PCDHGA12: variants seen among roughly 807,000 people sequenced by gnomAD.
PCDHGA12 encodes the protein protocadherin gamma-A12.
PCDHGA12 carries 43 observed loss-of-function variants against 61.1 expected under a neutral mutation model. That is an observed-to-expected ratio of 0.70 (90% CI 0.55 to 0.91). The LOEUF is 0.91. PCDHGA12 is among the 40% of genes least tolerant of loss of function. The pLI is 0.00. For synonymous variants in PCDHGA12, 520 were observed against 542.9 expected, an observed-to-expected ratio of 0.96 and a Z score of 0.59; for missense variants, 1,236 against 1,227.7, an observed-to-expected ratio of 1.01 and a Z score of -0.10.
intron 1 of PCDHGA12, among the ~76,000 whole-genome samples, chr5:141,459,559 A>AC (rs920626314): frequency 6.6e-6 from 1 of 152,198 alleles, no homozygotes; most frequent in Non-Finnish European, 1.5e-5. Flanking sequence ...TTGGATAAAT[A>AC]CCCCAAAACA....
In PCDHGA12 at chr5:141,432,009, G is replaced by A. The variant is rs1227754190; in HGVS notation, c.1250G>A (p.Ser417Asn). ...DIVLDREQVPSYNITVTATDR... is the reference protein window; with the variant it reads ...DIVLDREQVPNYNITVTATDR... ...GTCTTGGATAGGGAACAGGTTCCTA[G>A]CTACAACATCACAGTGACCGCCACT... The change falls in exon 1 of 4, where the codon AGC becomes AAC. Residue 417 changes from serine to asparagine, a missense_variant. Ser to Asn is a conservative substitution (Grantham distance 46, BLOSUM62 1). Coordinates refer to ENST00000252085, the MANE Select transcript of PCDHGA12 (RefSeq NM_003735.3). The surrounding 1 kb of genome is among the most constrained non-coding windows in gnomAD (Gnocchi z 6.0). The A allele has an allele frequency of 1.2e-6, 2 of 1,614,188 alleles. No homozygotes were observed. The highest frequency in any genetic ancestry group is 1.7e-6 in the Non-Finnish European group (2 of 1,180,024).
intron 2 of PCDHGA12, among the ~76,000 whole-genome samples, chr5:141,498,411 C>T (rs747823234): frequency 2.0e-5 from 3 of 152,158 alleles, no homozygotes; most frequent in Non-Finnish European, 4.4e-5. Context: ...TTTCTCTTTG[C>T]TGGCACTGGA....
At chr5:141,437,944 G>A (rs576107104) in intron 1 of PCDHGA12, among the ~76,000 whole-genome samples, 1 of 152,178 alleles carries the variant, frequency 6.6e-6, no homozygotes, top group South Asian at 2.1e-4. Flanking sequence ...CACCATATTG[G>A]CCAGAATGGT....
In PCDHGA12 at chr5:141,491,893, G is replaced by A; in HGVS notation, c.2425-2914G>A. The stretch of plus-strand genomic sequence containing the variant: ...GGCCGATTAAGGGATGGGGCTCCGA[G>A]CACCGGGGGTGGTGGCGACTGTGGG... On this transcript the variant is annotated intron_variant, in intron 1 of 3. Transcript: ENST00000252085. This position sits in a 1 kb window ranked among gnomAD's most constrained non-coding sequence, Gnocchi z 6.9. 9 of 1,438,856 alleles carry A rather than the reference G, an allele frequency of 6.3e-6. No individual in the cohort carries two copies. Among genetic ancestry groups the A allele is most frequent in the Non-Finnish European group, 8.3e-6 (9 of 1,088,104 alleles). 89.1% of individuals were successfully genotyped at this position (1,438,856 alleles called of 1,614,324 possible). A position where few individuals can be genotyped will look rare whatever the true frequency, so the allele number is the denominator to read the frequency against.
chr5:141,431,297 C>T lies in PCDHGA12; in HGVS notation c.538C>T (p.Leu180Phe). The T allele has an allele frequency of 6.2e-7, 1 of 1,614,126 alleles. No homozygotes were observed. The highest frequency in any genetic ancestry group is 8.5e-7 in the Non-Finnish European group (1 of 1,180,036). Reference sequence around the variant, plus strand: ...GCTCAGCCCGAACACTCACTTCTCCCTCATCGTGCAAAATGGAGCCGACGG... The same window carrying T: ...GCTCAGCCCGAACACTCACTTCTCCTTCATCGTGCAAAATGGAGCCGACGG... Reference protein sequence around the residue: ...YELSPNTHFSLIVQNGADGSK... With the variant: ...YELSPNTHFSFIVQNGADGSK... The change falls in exon 1 of 4, where the codon CTC (leucine) becomes TTC (phenylalanine). Residue 180 changes from leucine (L) to phenylalanine (F), a missense_variant. Coordinates refer to ENST00000252085, the MANE Select transcript of PCDHGA12 (RefSeq NM_003735.3). This position sits in a 1 kb window ranked among gnomAD's most constrained non-coding sequence, Gnocchi z 4.8.
intron 1 of PCDHGA12, among the ~76,000 whole-genome samples, chr5:141,450,424 CTTTAA>C (rs2098679800): frequency 1.3e-5 from 2 of 152,146 alleles, no homozygotes; most frequent in East Asian, 3.9e-4. Context: ...TGTATAATGC[CTTTAA>C]TTTATATTTG....
chr5:141,508,183 A>G (rs1596134418), intron 3 of PCDHGA12: 1 of 152,336 alleles, frequency 6.6e-6, no homozygotes, highest in African/African-American at 2.4e-5. Context: ...GAGAGAAGGC[A>G]TCACCCCCAC....
chr5:141,442,414 ACTT>A (rs1258523193), intron 1 of PCDHGA12: 2 of 152,190 alleles, frequency 1.3e-5, no homozygotes, highest in Non-Finnish European at 2.9e-5. Flanking sequence ...GGCTGAGTGA[ACTT>A]CTTTTTTGAA....
At chr5:141,466,384 T>C (rs1209046694) in intron 1 of PCDHGA12, among the ~76,000 whole-genome samples, 9 of 152,168 alleles carry the variant, frequency 5.9e-5, no homozygotes, top group Non-Finnish European at 1.3e-4. Context: ...ACCCATCTAA[T>C]GGAAAGTTTG....
At chr5:141,480,894 C>CA (rs1235468010) in intron 1 of PCDHGA12, among the ~76,000 whole-genome samples, 15 of 151,848 alleles carry the variant, frequency 9.9e-5, no homozygotes, top group African/African-American at 3.4e-4. Context: ...AAAATGCAAA[C>CA]ATTAGCTGGG....
rs529966095 is a variant in PCDHGA12 at position 141,499,776 on chromosome 5, TC to T, written c.2483+4914del. 3.7e-3 allele frequency among the ~76,000 whole-genome samples: 528 copies of T among 141,410 alleles called. 6 individuals carry two copies. Among genetic ancestry groups the T allele is most frequent in the Non-Finnish European group, 4.2e-3 (282 of 66,550 alleles). The allele number at this position is 141,410 out of a possible 152,430, so 92.8% of individuals were successfully genotyped here. ...ATCTCAGCTCACTGCAGCCTTCGCCTCCCGGGTTCAAGCAATTCTCATGCTT... is the reference window on the plus strand; with the variant it reads ...ATCTCAGCTCACTGCAGCCTTCGCCTCCGGGTTCAAGCAATTCTCATGCTT... On this transcript the variant is annotated intron_variant, in intron 2 of 3. Coordinates refer to ENST00000252085, the MANE Select transcript of PCDHGA12 (RefSeq NM_003735.3).
Position 141,490,709 on chromosome 5 carries a change from C to T in PCDHGA12, c.2425-4098C>T. ...GACACTGGGGATAATGCCCGCCTCA[C>T]CTACTCCATTGTAGGAAATCAGGTT... On this transcript the variant is annotated intron_variant, in intron 1 of 3. Transcript: ENST00000252085. This position sits in a 1 kb window ranked among gnomAD's most constrained non-coding sequence, Gnocchi z 5.4. The T allele has an allele frequency of 1.9e-6, 3 of 1,614,218 alleles. No homozygotes were observed. Among genetic ancestry groups the T allele is most frequent in the Non-Finnish European group, 2.5e-6 (3 of 1,180,038 alleles).
chr5:141,475,577 T>C (rs2099365697), intron 1 of PCDHGA12, among the ~76,000 whole-genome samples: 1 of 152,228 alleles, frequency 6.6e-6, no homozygotes, highest in Non-Finnish European at 1.5e-5. Context: ...ACAAGCCAGA[T>C]TTGTTGGTGT....
Position 141,485,256 on chromosome 5 carries a change from G to A in PCDHGA12, c.2425-9551G>A, listed in dbSNP as rs770176450. The A allele has an allele frequency of 6.2e-7, 1 of 1,614,186 alleles. No homozygotes were observed. Among genetic ancestry groups the A allele is most frequent in the Non-Finnish European group, 8.5e-7 (1 of 1,179,996 alleles). On this transcript the variant is annotated intron_variant, in intron 1 of 3. Transcript: ENST00000252085. The surrounding 1 kb of genome is among the most constrained non-coding windows in gnomAD (Gnocchi z 5.7). ...CTCTTTTACCACCTGGGTTACGTTTGTGGGCAGATCCGCTACCCGGTCCCA... is the reference window on the plus strand; with the variant it reads ...CTCTTTTACCACCTGGGTTACGTTTATGGGCAGATCCGCTACCCGGTCCCA...
intron 1 of PCDHGA12, among the ~76,000 whole-genome samples, chr5:141,449,342 C>T (rs895923034): frequency 3.3e-5 from 5 of 151,854 alleles, no homozygotes; most frequent in Non-Finnish European, 5.9e-5. Context: ...TGCAGTGGCT[C>T]ACTCCTGTAA....
chr5:141,505,371 C>T (rs2099845827), intron 2 of PCDHGA12, 22 bp from the exon 3 acceptor site: 4 of 1,613,980 alleles, frequency 2.5e-6, no homozygotes, highest in Non-Finnish European at 3.4e-6. Context: ...AGTCTGTGCT[C>T]ACCATCCTAC....
At chr5:141,436,691 A>G (rs2097840863) in intron 1 of PCDHGA12, among the ~76,000 whole-genome samples, 1 of 152,226 alleles carries the variant, frequency 6.6e-6, no homozygotes, top group Admixed American at 6.5e-5. Context: ...TATATTTTCA[A>G]TGCCAGCACA....
chr5:141,465,366 A>G (rs2099102089), intron 1 of PCDHGA12, among the ~76,000 whole-genome samples: 1 of 152,154 alleles, frequency 6.6e-6, no homozygotes, highest in Non-Finnish European at 1.5e-5. Flanking sequence ...GGTGCCCTTT[A>G]AAGTTGTAAG....
intron 1 of PCDHGA12, among the ~76,000 whole-genome samples, chr5:141,464,251 C>T (rs1438610569): frequency 1.4e-5 from 2 of 141,396 alleles, no homozygotes; most frequent in Admixed American, 7.5e-5. Flanking sequence ...GGCTACAGAG[C>T]GAGACTCCGT....
Sources: allele counts gnomAD v4.1 joint callset (sites outside exome capture counted in the v4.1 genomes callset), GRCh38; gene constraint gnomAD v4.1.1; non-coding constraint Gnocchi (gnomAD v3.1); transcripts MANE v1.5; gene names NCBI Gene and HGNC (gene_info 2026-07-23, HGNC 2026-07-21).